Variants in KAT2B observed in about 807,000 individuals in gnomAD.
KAT2B encodes the protein lysine acetyltransferase 2B.
Under a neutral mutation model 105.9 loss-of-function variants are expected in KAT2B, and 36 were observed. That is an observed-to-expected ratio of 0.34 (90% CI 0.26 to 0.45). The LOEUF (loss-of-function observed/expected upper bound fraction) is 0.45. KAT2B is among the 20% of genes least tolerant of loss of function. The probability of loss-of-function intolerance (pLI) is 1.00; values close to 1 mark genes in which losing one functional copy is unlikely to be tolerated. For missense variants in KAT2B, 820 were observed against 1,021.6 expected, an observed-to-expected ratio of 0.80 and a Z score of 2.69; for synonymous variants, 397 against 377.9, an observed-to-expected ratio of 1.05 and a Z score of -0.59.
chr3:20,110,036 A>T (rs981093091), intron 5 of KAT2B, among the ~76,000 whole-genome samples: 15 of 149,918 alleles, frequency 1.0e-4, no homozygotes, highest in Non-Finnish European at 1.0e-4. Context: ...AATAAGATTT[A>T]AAAAAAAAAG....
At position 20,152,420 on chromosome 3, in the gene KAT2B, T is replaced by C; in HGVS notation, c.2394T>C (p.Asn798=). 4 of 1,613,410 alleles carry C rather than the reference T, an allele frequency of 2.5e-6. No homozygotes were observed. The highest frequency in any genetic ancestry group is 1.7e-5 in the Admixed American group (1 of 59,976). The change falls in exon 18 of 18, where the codon AAT becomes AAC. Residue 798 remains asparagine (N), a synonymous_variant. Transcript: ENST00000263754. ...FMADLQRVFT[N]CKEYNPPESE... is the part of the protein sequence containing the mutation. ...CAGACTTACAGCGAGTCTTTACCAA[T>C]TGCAAAGAGTACAACCCCCCTGAGA... is the stretch of plus-strand genomic sequence containing the variant.
intron 1 of KAT2B, among the ~76,000 whole-genome samples, chr3:20,049,020 C>T (rs1230974729): frequency 6.8e-6 from 1 of 146,602 alleles, no homozygotes; most frequent in Non-Finnish European, 1.5e-5. Context: ...CGCCACCACG[C>T]CCGGCTAATT....
At position 20,122,810 on chromosome 3, in the gene KAT2B, C is replaced by G; in HGVS notation, c.1413+6C>G. The G allele has an allele frequency of 6.2e-7, 1 of 1,604,320 alleles. No homozygotes were observed. ...CAGCAATGCTTGGACCAGAGGTCAG[C>G]AGGGTAAACCTGGGCAGCCAGCTGG... On this transcript the variant is annotated splice_donor_region_variant and intron_variant, in intron 9 of 17. Coordinates refer to ENST00000263754, the MANE Select transcript of KAT2B (RefSeq NM_003884.5).
chr3:20,099,389 G>A (rs1285511645), intron 3 of KAT2B, among the ~76,000 whole-genome samples: 5 of 152,214 alleles, frequency 3.3e-5, no homozygotes. Flanking sequence ...CCTCTTTTGT[G>A]CAGAATAGAT....
chr3:20,062,123 T>TATAATATATATTATATAAAAC (rs1698128158), intron 1 of KAT2B, among the ~76,000 whole-genome samples: 2 of 82,956 alleles, frequency 2.4e-5, no homozygotes, highest in South Asian at 3.6e-4. Flanking sequence ...ATATAAAACA[T>TATAATATATATTATATAAAAC]ATATATATAA....
At chr3:20,064,829 C>T (rs1412597488) in intron 1 of KAT2B, among the ~76,000 whole-genome samples, 1 of 152,166 alleles carries the variant, frequency 6.6e-6, no homozygotes, top group Non-Finnish European at 1.5e-5. Flanking sequence ...TGTGGGACAT[C>T]CTTGACACTA....
intron 7 of KAT2B, among the ~76,000 whole-genome samples, chr3:20,119,244 A>G (rs1222849925): frequency 2.6e-5 from 4 of 151,754 alleles, no homozygotes; most frequent in African/African-American, 9.7e-5. Flanking sequence ...GAACTTCCCC[A>G]AATCAGTTAT....
In KAT2B at chr3:20,040,642, G is replaced by A. The variant is rs771208264; in HGVS notation, c.165G>A (p.Ala55=). The change falls in exon 1 of 18, where the codon GCG becomes GCA. Residue 55 remains alanine (A), a synonymous_variant. Transcript: ENST00000263754. ...AAGGSGACGP[A]TAVAAAGTAE... ...GGGGCTCGGGCGCCTGCGGTCCGGC[G>A]ACGGCAGTGGCTGCAGCGGGCACGG... 20 of 1,439,744 alleles carry A rather than the reference G, an allele frequency of 1.4e-5. No homozygotes were observed. Among genetic ancestry groups the A allele is most frequent in the African/African-American group, 7.4e-5 (5 of 67,402 alleles). 89.2% of individuals were successfully genotyped at this position (1,439,744 alleles called of 1,614,324 possible).
chr3:20,067,395 T>G (rs1471442757), intron 1 of KAT2B, among the ~76,000 whole-genome samples: 1 of 152,176 alleles, frequency 6.6e-6, no homozygotes, highest in Middle Eastern at 3.2e-3. Context: ...ATGAGATTTG[T>G]GACTCACCCA....
rs531654232 is a variant in KAT2B, at chr3:20,079,147, C to T, written c.430+6688C>T. Among the ~76,000 whole-genome samples the T allele has an allele frequency of 1.8e-3, 274 of 151,090 alleles. 1 individual carries two copies. The highest frequency in any genetic ancestry group is 6.1e-3 in the African/African-American group (251 of 41,190). On this transcript the variant is annotated intron_variant, in intron 2 of 17. Transcript: ENST00000263754. ...AACTCCTGATCTCAGGTGATCCACC[C>T]GCCTCGGCCTCTCAAAGTGCTGGGA...
intron 13 of KAT2B, among the ~76,000 whole-genome samples, chr3:20,144,960 C>T (rs1336699644): frequency 6.6e-6 from 1 of 151,866 alleles, no homozygotes; most frequent in African/African-American, 2.4e-5. Flanking sequence ...CATGCCCAGC[C>T]CATTTTTTGT....
chr3:20,054,413 G>C (rs1318992122), intron 1 of KAT2B, among the ~76,000 whole-genome samples: 2 of 152,172 alleles, frequency 1.3e-5, no homozygotes, highest in African/African-American at 4.8e-5. Flanking sequence ...TTACAGATGT[G>C]AAGGAGATGG....
At chr3:20,055,065 C>G (rs923943200) in intron 1 of KAT2B, among the ~76,000 whole-genome samples, 1 of 151,482 alleles carries the variant, frequency 6.6e-6, no homozygotes, top group African/African-American at 2.4e-5. Flanking sequence ...GGAGAGAGAC[C>G]CAGCCCAGAT....
rs1160113470 is a variant in KAT2B, at chr3:20,131,078, T to C, written c.1749+3529T>C. Among the ~76,000 whole-genome samples the C allele has an allele frequency of 4.9e-5, 7 of 143,192 alleles. No homozygotes were observed. The East Asian group carries it at 1.5e-3, about 31-fold the overall frequency. 93.9% of individuals were successfully genotyped at this position (143,192 alleles called of 152,430 possible). ...TTGCCCAGGCTGGAGTGCAATGGCG[T>C]GATCTCGGCTCACTGCAAACTCCGC... On this transcript the variant is annotated intron_variant, in intron 11 of 17. Transcript: ENST00000263754.
chr3:20,045,547 C>T (rs1323339401), intron 1 of KAT2B, among the ~76,000 whole-genome samples: 1 of 151,904 alleles, frequency 6.6e-6, no homozygotes, highest in South Asian at 2.1e-4. Flanking sequence ...TAAAAGAAAC[C>T]CCAAGTGAAT....
At chr3:20,122,167 C>T (rs1699322928) in intron 8 of KAT2B, among the ~76,000 whole-genome samples, 1 of 152,118 alleles carries the variant, frequency 6.6e-6, no homozygotes, top group African/African-American at 2.4e-5. Flanking sequence ...ATCCATACAA[C>T]ATGATCTGTA....
rs879484829 is a variant in KAT2B at position 20,092,217 on chromosome 3, A to ATATT, written c.431-3020_431-3017dup. 8.7e-3 allele frequency among the ~76,000 whole-genome samples: 695 copies of ATATT among 79,936 alleles called. 3 individuals are homozygous for ATATT. The highest frequency in any genetic ancestry group is 0.014 in the Non-Finnish European group (554 of 39,492). 52.4% of individuals were successfully genotyped at this position (79,936 alleles called of 152,430 possible). A position where few individuals can be genotyped will look rare whatever the true frequency, so the allele number is the denominator to read the frequency against. ...TATTTCATTCAATCTCTACTTTCAC[A>ATATT]TATTTATTTATTTATTTATTTATTT... On this transcript the variant is annotated intron_variant, in intron 2 of 17. Coordinates refer to ENST00000263754, the MANE Select transcript of KAT2B (RefSeq NM_003884.5).
intron 1 of KAT2B, 120 bp downstream of exon 1, chr3:20,040,900 G>A (rs1575098994): frequency 2.4e-6 from 3 of 1,238,724 alleles, no homozygotes; most frequent in Non-Finnish European, 3.2e-6. Flanking sequence ...CCCGCCTGGG[G>A]CCGCTGCACC....
chr3:20,059,241 C>T (rs889561792), intron 1 of KAT2B, among the ~76,000 whole-genome samples: 1 of 151,378 alleles, frequency 6.6e-6, no homozygotes, highest in African/African-American at 2.4e-5. Flanking sequence ...GGTGAAACCC[C>T]GTCTCTACTA....
Sources: gnomAD v4.1 joint callset for allele counts (sites outside exome capture counted in the v4.1 genomes callset) on GRCh38, gnomAD v4.1.1 for gene constraint, MANE v1.5 for transcripts, NCBI Gene and HGNC (gene_info 2026-07-23, HGNC 2026-07-21) for gene names.